RBPMS: variants seen among roughly 807,000 people sequenced by gnomAD.
RBPMS encodes the protein RNA-binding protein with multiple splicing.
Under a neutral mutation model 26.8 loss-of-function variants are expected in RBPMS, and 7 were observed. That is an observed-to-expected ratio of 0.26 (90% confidence interval 0.15 to 0.49). The LOEUF (loss-of-function observed/expected upper bound fraction) is 0.49. Among genes scored for constraint, RBPMS ranks in the 20% least tolerant of loss-of-function variants. RBPMS has a pLI of 0.98. For missense variants in RBPMS, 186 were observed against 250.0 expected, an observed-to-expected ratio of 0.74 and a Z score of 1.73; for synonymous variants, 96 against 93.3, an observed-to-expected ratio of 1.03 and a Z score of -0.17.
chr8:30,494,888 T>C (rs1373328777), intron 4 of RBPMS, among the ~76,000 whole-genome samples: 1 of 152,230 alleles, frequency 6.6e-6, no homozygotes, highest in East Asian at 1.9e-4. Flanking sequence ...AAACACAATG[T>C]ATTGTTTTCA....
chr8:30,480,562 A>G (rs1050977830), intron 4 of RBPMS, among the ~76,000 whole-genome samples: 3 of 152,238 alleles, frequency 2.0e-5, no homozygotes, highest in African/African-American at 7.2e-5. Context: ...CAGGAATTCC[A>G]GAGTCCAGAC....
At chr8:30,441,515 C>T (rs1585471941) in intron 1 of RBPMS, among the ~76,000 whole-genome samples, 1 of 152,174 alleles carries the variant, frequency 6.6e-6, no homozygotes, top group East Asian at 1.9e-4. Context: ...GTACAATGCA[C>T]TGGGATGTTT....
At chr8:30,389,500 G>GA (rs1204612736) in intron 1 of RBPMS, among the ~76,000 whole-genome samples, 2 of 152,188 alleles carry the variant, frequency 1.3e-5, no homozygotes, top group African/African-American at 4.8e-5. Flanking sequence ...CTTTTGTGCA[G>GA]AGCAGTGGTG....
In RBPMS at chr8:30,385,107, C is replaced by A; in HGVS notation, c.15C>A (p.Gly5=). The change falls in exon 1 of 9, where the codon GGC becomes GGA. Residue 5 remains glycine, a synonymous_variant. Coordinates refer to ENST00000397323, the MANE Select transcript of RBPMS (RefSeq NM_001008710.3). MNNG[G]KAEKENTPSE... ...GGACCGGGAAGATGAACAACGGCGG[C>A]AAAGCCGAGAAGGAGAACACCCCGA... The A allele has an allele frequency of 1.3e-6, 2 of 1,525,182 alleles. No individual in the cohort carries two copies. The highest frequency in any genetic ancestry group is 2.1e-5 in the Admixed American group (1 of 48,008). 94.5% of individuals were successfully genotyped at this position (1,525,182 alleles called of 1,614,324 possible). A position where few individuals can be genotyped will look rare whatever the true frequency, so the allele number is the denominator to read the frequency against.
chr8:30,483,092 T>A (rs1818444548), intron 4 of RBPMS, among the ~76,000 whole-genome samples: 1 of 152,190 alleles, frequency 6.6e-6, no homozygotes, highest in Non-Finnish European at 1.5e-5. Context: ...TATTGTCTAG[T>A]AGGAATCTTG....
chr8:30,427,151 C>T (rs1348802735), intron 1 of RBPMS, among the ~76,000 whole-genome samples: 4 of 152,126 alleles, frequency 2.6e-5, no homozygotes, highest in Non-Finnish European at 5.9e-5. Flanking sequence ...TTAAGCTAAT[C>T]GGTGAATTCA....
intron 4 of RBPMS, among the ~76,000 whole-genome samples, chr8:30,483,371 A>G (rs140318581): frequency 2.8e-4 from 42 of 152,302 alleles, no homozygotes; most frequent in Admixed American, 5.2e-4. Flanking sequence ...AGAAGTCTGT[A>G]CATCACTACA....
intron 1 of RBPMS, among the ~76,000 whole-genome samples, chr8:30,450,330 A>G (rs376394662): frequency 6.6e-6 from 1 of 152,234 alleles, no homozygotes; most frequent in Non-Finnish European, 1.5e-5. Flanking sequence ...AGATGGATTT[A>G]TAGATGGACT....
At chr8:30,414,152 G>A (rs1262766034) in intron 1 of RBPMS, among the ~76,000 whole-genome samples, 6 of 150,440 alleles carry the variant, frequency 4.0e-5, no homozygotes, top group African/African-American at 9.8e-5. Flanking sequence ...AACAGGCAGT[G>A]GGTCATTGAT....
chr8:30,448,564 G>A (rs746821049), intron 1 of RBPMS, among the ~76,000 whole-genome samples: 1 of 152,196 alleles, frequency 6.6e-6, no homozygotes, highest in Non-Finnish European at 1.5e-5. Context: ...AGTGCACGAA[G>A]CAGAGAAAAA....
chr8:30,556,596 C>A, intron 6 of RBPMS: 1 of 986,466 alleles, frequency 1.0e-6, no homozygotes, highest in Non-Finnish European at 1.2e-6. Flanking sequence ...GCACCAGTCA[C>A]ACCACTGCGC....
intron 4 of RBPMS, among the ~76,000 whole-genome samples, chr8:30,497,748 G>T (rs936620677): frequency 6.6e-6 from 1 of 151,812 alleles, no homozygotes; most frequent in African/African-American, 2.4e-5. Flanking sequence ...TCAGCCTCCC[G>T]AGTAGCTGGG....
intron 1 of RBPMS, among the ~76,000 whole-genome samples, chr8:30,424,501 A>C (rs1291316103): frequency 6.6e-6 from 1 of 152,134 alleles, no homozygotes; most frequent in African/African-American, 2.4e-5. Flanking sequence ...TGGAAATTTA[A>C]TTATAAGTTA....
chr8:30,558,775 G>A, intron 6 of RBPMS, 112 bp from the exon 7 acceptor site: 2 of 889,966 alleles, frequency 2.2e-6, no homozygotes, highest in African/African-American at 1.6e-5. Context: ...AGGCTAGTGT[G>A]AGTGGGTACC....
intron 6 of RBPMS, chr8:30,544,926 C>G: frequency 6.8e-7 from 1 of 1,477,456 alleles, no homozygotes; most frequent in African/African-American, 1.4e-5. Flanking sequence ...TCCCAGCTAG[C>G]TAGAGGGCAT....
chr8:30,525,505 A>T (rs1208220149), intron 5 of RBPMS, among the ~76,000 whole-genome samples: 1 of 152,204 alleles, frequency 6.6e-6, no homozygotes, highest in South Asian at 2.1e-4. Context: ...TATCCTTTCA[A>T]AGTTCACTGG....
chr8:30,486,780 T>C (rs1818839130), intron 4 of RBPMS, among the ~76,000 whole-genome samples: 3 of 152,174 alleles, frequency 2.0e-5, no homozygotes. Flanking sequence ...CAATGACAAG[T>C]ATATGTGGAA....
At chr8:30,511,486 A>ATATATATATAT (rs1212814521) in intron 5 of RBPMS, among the ~76,000 whole-genome samples, 8 of 23,532 alleles carry the variant, frequency 3.4e-4, no homozygotes, top group African/African-American at 1.3e-3. Flanking sequence ...AAAAAAAAAA[A>ATATATATATAT]ATATATATAT....
At chr8:30,556,064 AGAG>A (rs546239902) in intron 6 of RBPMS, 2,111 of 985,426 alleles carry the variant, frequency 2.1e-3, no homozygotes, top group Non-Finnish European at 2.5e-3. Flanking sequence ...TCAGGCTGGA[AGAG>A]GAGGCAGCCG....
Sources: gnomAD v4.1 joint callset for allele counts (sites outside exome capture counted in the v4.1 genomes callset) on GRCh38, gnomAD v4.1.1 for gene constraint, MANE v1.5 for transcripts, NCBI Gene and HGNC (gene_info 2026-07-23, HGNC 2026-07-21) for gene names.